LRPPRC: variants seen among roughly 807,000 people sequenced by gnomAD.
LRPPRC encodes leucine-rich PPR motif-containing protein, mitochondrial.
LRPPRC carries 120 observed loss-of-function variants against 180.3 expected under a neutral mutation model. The observed-to-expected ratio is 0.67, with a 90% CI of 0.57 to 0.77. The LOEUF is 0.77. Among genes scored for constraint, LRPPRC ranks in the 30% least tolerant of loss-of-function variants. The probability of loss-of-function intolerance (pLI) is 0.00; values close to 1 mark genes in which losing one functional copy is unlikely to be tolerated. For missense variants in LRPPRC, 2,012 were observed against 1,657.2 expected (o/e 1.21, Z -3.72); for synonymous variants, 723 against 600.0 (o/e 1.21, Z -3.00).
At chr2:43,899,744 TA>T (rs1670819883) in intron 32 of LRPPRC, 139 bp from the exon 33 acceptor site, 8 of 640,148 alleles carry the variant, frequency 1.2e-5, no homozygotes, top group Non-Finnish European at 1.6e-5. Flanking sequence ...CTTAACCAAA[TA>T]AACACTAGGC....
chr2:43,984,774 C>A (rs1473199778), intron 1 of LRPPRC, among the ~76,000 whole-genome samples: 1 of 152,128 alleles, frequency 6.6e-6, no homozygotes, highest in Non-Finnish European at 1.5e-5. Context: ...CAAGCTGGAG[C>A]TCACTGCCTC....
At chr2:43,918,957 G>A (rs538054218) in intron 27 of LRPPRC, among the ~76,000 whole-genome samples, 8 of 151,994 alleles carry the variant, frequency 5.3e-5, no homozygotes, top group African/African-American at 1.7e-4. Flanking sequence ...TGTATGCAGT[G>A]CATACGGTAT....
chr2:43,925,800 C>G, intron 26 of LRPPRC, 93 bp downstream of exon 26: 1 of 825,884 alleles, frequency 1.2e-6, no homozygotes. Flanking sequence ...AATGCCCTGT[C>G]TCTCGAAGTC....
intron 15 of LRPPRC, among the ~76,000 whole-genome samples, chr2:43,950,013 A>T (rs1456480169): frequency 6.6e-6 from 1 of 152,226 alleles, no homozygotes; most frequent in South Asian, 2.1e-4. Flanking sequence ...ATTCCTCATT[A>T]TATTGCTTTT....
chr2:43,959,589 G>C (rs371311035), intron 13 of LRPPRC, among the ~76,000 whole-genome samples: 40 of 152,274 alleles, frequency 2.6e-4, no homozygotes, highest in African/African-American at 9.1e-4. Flanking sequence ...GGTCTCTTAA[G>C]AACGTCTTAT....
intron 11 of LRPPRC, among the ~76,000 whole-genome samples, chr2:43,967,402 A>T (rs78507290): frequency 6.6e-6 from 1 of 151,828 alleles, no homozygotes; most frequent in Admixed American, 6.6e-5. Context: ...GATTGATAGA[A>T]AGACAGATAT....
intron 26 of LRPPRC, among the ~76,000 whole-genome samples, chr2:43,925,443 G>A (rs1671842182): frequency 6.6e-6 from 1 of 152,108 alleles, no homozygotes; most frequent in Admixed American, 6.5e-5. Flanking sequence ...AAAGGTATCT[G>A]GGTGGGAGAA....
At chr2:43,949,794 C>A (rs1672830409) in intron 15 of LRPPRC, 135 bp from the exon 16 acceptor site, 1 of 691,380 alleles carries the variant, frequency 1.4e-6, no homozygotes, top group South Asian at 1.6e-5. Flanking sequence ...TTCAAAACCA[C>A]CCCCACCCGC....
intron 1 of LRPPRC, among the ~76,000 whole-genome samples, chr2:43,995,467 G>C (rs545691351): frequency 6.6e-6 from 1 of 152,340 alleles, no homozygotes; most frequent in East Asian, 1.9e-4. Flanking sequence ...GTAAGGAAAA[G>C]ACCACCACCC....
chr2:43,909,626 A>G (rs1319687649), intron 30 of LRPPRC, among the ~76,000 whole-genome samples: 1 of 148,756 alleles, frequency 6.7e-6, no homozygotes, highest in South Asian at 2.1e-4. Flanking sequence ...AATAATAATA[A>G]TAATAATAAT....
rs146099584 is a variant in LRPPRC, at chr2:43,897,355, T to C, written c.3826-647A>G. Among the ~76,000 whole-genome samples the C allele has an allele frequency of 8.5e-3, 1,294 of 152,250 alleles. 13 individuals are homozygous for C. The highest frequency in any genetic ancestry group is 0.037 in the Middle Eastern group (11 of 294). ...TTAGATGCTATAGTAAAATCAAATA[T>C]GGCAAGACAATATTTTAGTTTACAC... On this transcript the variant is annotated intron_variant, in intron 34 of 37. Transcript: ENST00000260665.
intron 23 of LRPPRC, among the ~76,000 whole-genome samples, chr2:43,937,766 C>G (rs1672327579): frequency 6.6e-6 from 1 of 152,096 alleles, no homozygotes; most frequent in African/African-American, 2.4e-5. Context: ...GTGTTTTGCA[C>G]AAGCAGAGAA....
In LRPPRC at chr2:43,963,659, C is replaced by G. The variant is rs996514783; in HGVS notation, c.1417G>C (p.Asp473His). Reference protein sequence around the residue: ...KGMQELGVHPDQETYTDYVIP... With the variant: ...KGMQELGVHPHQETYTDYVIP... The stretch of plus-strand genomic sequence containing the variant: ...ACATAATCTGTATATGTTTCCTGAT[C>G]AGGATGTACTCCCAATTCTTGCATT... The change falls in exon 12 of 38, where the codon GAT (aspartate) becomes CAT (histidine). Residue 473 changes from aspartate (D) to histidine (H), a missense_variant. Coordinates refer to ENST00000260665, the MANE Select transcript of LRPPRC (RefSeq NM_133259.4). The G allele has an allele frequency of 3.7e-6, 6 of 1,611,374 alleles. No individual in the cohort carries two copies. The highest frequency in any genetic ancestry group is 1.6e-4 in the Middle Eastern group (1 of 6,080).
chr2:43,937,154 G>C (rs1308412286), intron 23 of LRPPRC, among the ~76,000 whole-genome samples: 1 of 152,124 alleles, frequency 6.6e-6, no homozygotes, highest in Non-Finnish European at 1.5e-5. Context: ...CACGTTAATA[G>C]TCTTTGGTCT....
intron 14 of LRPPRC, among the ~76,000 whole-genome samples, chr2:43,956,554 G>A (rs1183251497): frequency 7.3e-5 from 11 of 150,674 alleles, no homozygotes; most frequent in African/African-American, 2.2e-4. Context: ...ATGAGAGAAA[G>A]TAGACACGGC....
At chr2:43,980,615 G>C (rs1033868848) in intron 2 of LRPPRC, among the ~76,000 whole-genome samples, 1 of 148,590 alleles carries the variant, frequency 6.7e-6, no homozygotes, top group African/African-American at 2.5e-5. Flanking sequence ...AAAGAATACT[G>C]TAAAGCAGTG....
At chr2:43,909,520 C>T (rs971778803) in intron 30 of LRPPRC, among the ~76,000 whole-genome samples, 2 of 151,956 alleles carry the variant, frequency 1.3e-5, no homozygotes, top group South Asian at 4.2e-4. Context: ...CTCTATACAG[C>T]ATAGTGCTAA....
At chr2:43,981,719 A>G (rs888432662) in intron 2 of LRPPRC, among the ~76,000 whole-genome samples, 1 of 152,196 alleles carries the variant, frequency 6.6e-6, no homozygotes, top group African/African-American at 2.4e-5. Flanking sequence ...TGAGTTGACA[A>G]GATAGAAATC....
chr2:43,989,728 T>C (rs1674686952), intron 1 of LRPPRC, among the ~76,000 whole-genome samples: 1 of 152,220 alleles, frequency 6.6e-6, no homozygotes, highest in Non-Finnish European at 1.5e-5. Context: ...ATGTGTAACA[T>C]ATGTAAAACA....
Sources: allele counts gnomAD v4.1 joint callset (sites outside exome capture counted in the v4.1 genomes callset), GRCh38; gene constraint gnomAD v4.1.1; transcripts MANE v1.5; gene names NCBI Gene and HGNC (gene_info 2026-07-23, HGNC 2026-07-21).